Variants in DSC3 observed in about 807,000 individuals in gnomAD.
The protein encoded by DSC3 is desmocollin-3.
DSC3 carries 97 observed loss-of-function variants against 89.5 expected under a neutral mutation model. The observed-to-expected ratio is 1.08, with a 90% CI of 0.92 to 1.28. The LOEUF is 1.28. DSC3 is among the 50% of genes most tolerant of loss of function. The pLI is 0.00. For synonymous variants in DSC3, 436 were observed against 384.1 expected, an observed-to-expected ratio of 1.14 and a Z score of -1.58; for missense variants, 1,199 against 1,085.3, an observed-to-expected ratio of 1.10 and a Z score of -1.47.
intron 13 of DSC3, among the ~76,000 whole-genome samples, chr18:31,002,423 G>A (rs754744629): frequency 7.2e-5 from 11 of 152,034 alleles, no homozygotes; most frequent in Admixed American, 2.6e-4. Flanking sequence ...AATTACAGCC[G>A]GGTGCAGTGG....
Position 30,990,260 on chromosome 18 carries a change from C to T in DSC3, c.*3915G>A, listed in dbSNP as rs1330444243. 1 of 152,148 alleles carries T rather than the reference C, an allele frequency of 6.6e-6. No homozygotes were observed. The allele number at this position is 152,148 out of a possible 1,614,324, so 9.4% of individuals were successfully genotyped here. The stretch of plus-strand genomic sequence containing the variant: ...AGGAAATAAGTAGCCTTTCAAAGGT[C>T]ACACAGAAGTAAGTGACAGATCCAG... On this transcript the variant is annotated 3_prime_UTR_variant, in exon 16 of 16. Transcript: ENST00000360428.
At chr18:30,995,091 C>T (rs766711900) in intron 15 of DSC3, among the ~76,000 whole-genome samples, 5 of 152,164 alleles carry the variant, frequency 3.3e-5, no homozygotes, top group Non-Finnish European at 2.9e-5. Context: ...ATAATGAAGA[C>T]GCCATGCATT....
rs369721566 is a variant in DSC3, at chr18:30,997,089, G to A, written c.2236-41C>T. On this transcript the variant is annotated intron_variant, in intron 14 of 15. Transcript: ENST00000360428. ...GAAATAATTCATGTTGAGAGGAAAT[G>A]GATTCTAAGTTGTCATGAGAAGGCA... 1.2e-5 allele frequency: 19 copies of A among 1,611,912 alleles called. No individual in the cohort carries two copies. The African/African-American group carries it at 2.1e-4, about 18-fold the overall frequency.
chr18:31,037,627 C>A (rs1029691034), intron 1 of DSC3, among the ~76,000 whole-genome samples: 3 of 151,994 alleles, frequency 2.0e-5, no homozygotes, highest in African/African-American at 4.8e-5. Flanking sequence ...CTTGGCCAGG[C>A]GCAGTGGCTC....
Position 30,993,913 on chromosome 18 carries a change from G to T in DSC3, c.*262C>A. On this transcript the variant is annotated 3_prime_UTR_variant, in exon 16 of 16. Transcript: ENST00000360428. Reference sequence around the variant, plus strand: ...CAGCATATTTATTACTAAAATATCCGTAAAAAAAAAAAAGAGCAGATGCTT... The same window carrying T: ...CAGCATATTTATTACTAAAATATCCTTAAAAAAAAAAAAGAGCAGATGCTT... 1 of 328,300 alleles carries T rather than the reference G, an allele frequency of 3.0e-6. No individual in the cohort carries two copies. Among genetic ancestry groups the T allele is most frequent in the Admixed American group, 4.6e-5 (1 of 21,906 alleles). The allele number at this position is 328,300 out of a possible 1,614,324, so 20.3% of individuals were successfully genotyped here.
intron 14 of DSC3, 95 bp from the exon 15 acceptor site, chr18:30,997,143 T>C: frequency 7.1e-7 from 1 of 1,409,796 alleles, no homozygotes; most frequent in Non-Finnish European, 9.9e-7. Context: ...TTCAACCTTT[T>C]ATTCATTCAT....
chr18:30,996,135 A>G (rs544605611), intron 15 of DSC3, among the ~76,000 whole-genome samples: 1 of 152,124 alleles, frequency 6.6e-6, no homozygotes, highest in East Asian at 1.9e-4. Flanking sequence ...GGTGCTTTGT[A>G]TATTTAAAAT....
intron 1 of DSC3, among the ~76,000 whole-genome samples, chr18:31,033,178 A>G (rs1985858194): frequency 6.6e-6 from 1 of 152,194 alleles, no homozygotes; most frequent in Non-Finnish European, 1.5e-5. Context: ...ACCTAGATAA[A>G]TAGAGAGATA....
At chr18:31,002,748 A>G (rs1984708630) in intron 13 of DSC3, among the ~76,000 whole-genome samples, 1 of 152,082 alleles carries the variant, frequency 6.6e-6, no homozygotes, top group East Asian at 1.9e-4. Context: ...AATTACATGA[A>G]ATTCAAATTT....
At position 30,991,009 on chromosome 18, in the gene DSC3, T is replaced by C. The variant is rs993121858; in HGVS notation, c.*3166A>G. On this transcript the variant is annotated 3_prime_UTR_variant, in exon 16 of 16. Transcript: ENST00000360428. Reference sequence around the variant, plus strand: ...TTCCATGCCAGCCATAAGCATAATTTTGCAAAGTGATCATCTTAGAATTAT... The same window carrying C: ...TTCCATGCCAGCCATAAGCATAATTCTGCAAAGTGATCATCTTAGAATTAT... The C allele has an allele frequency of 1.2e-4, 19 of 152,196 alleles. No individual in the cohort carries two copies. Among genetic ancestry groups the C allele is most frequent in the African/African-American group, 4.3e-4 (18 of 41,428 alleles). The allele number at this position is 152,196 out of a possible 1,614,324, so 9.4% of individuals were successfully genotyped here. A position where few individuals can be genotyped will look rare whatever the true frequency, so the allele number is the denominator to read the frequency against.
intron 13 of DSC3, 81 bp downstream of exon 13, chr18:31,004,061 C>T (rs115929701): frequency 4.4e-5 from 49 of 1,105,354 alleles, no homozygotes; most frequent in South Asian, 3.8e-4. Flanking sequence ...GATGCTTGGA[C>T]GAGATTATTT....
Position 31,022,467 on chromosome 18 carries a change from CTCTG to C in DSC3, c.807_810del (p.Asp269GlufsTer11). 6.2e-7 allele frequency: 1 copy of C among 1,614,068 alleles called. No homozygotes were observed. ...CGCGTATGCATTGTGTCCGGTTCAT[CTCTG>C]TCTGTGGCACAAACCACCCCCACTG... On this transcript the variant is annotated frameshift_variant, in exon 7 of 16. Transcript: ENST00000360428. LOFTEE classifies it high-confidence loss of function.
chr18:31,001,433 A>C lies in DSC3; in HGVS notation c.2235+185T>G, dbSNP rs1984655492. ...GGAAAAAAGATAACTAAAATAATAC[A>C]TCTGGATTAAGAAGTTTAATAAATT... On this transcript the variant is annotated intron_variant, in intron 14 of 15. Coordinates refer to ENST00000360428, the MANE Select transcript of DSC3 (RefSeq NM_001941.5). Among the ~76,000 whole-genome samples, 3 of 152,068 alleles carry C rather than the reference A, an allele frequency of 2.0e-5. No individual in the cohort carries two copies. The South Asian group carries it at 6.2e-4, about 31-fold the overall frequency.
At position 31,007,017 on chromosome 18, in the gene DSC3, T is replaced by C; in HGVS notation, c.1778A>G (p.Asp593Gly). 1 of 1,613,736 alleles carries C rather than the reference T, an allele frequency of 6.2e-7. No homozygotes were observed. Among genetic ancestry groups the C allele is most frequent in the Non-Finnish European group, 8.5e-7 (1 of 1,179,714 alleles). The change falls in exon 12 of 16, where the codon GAC (aspartate) becomes GGC (glycine). Residue 593 changes from aspartate (D) to glycine (G), a missense_variant. Transcript: ENST00000360428. ...TTCATCAGGATCAACAGCTAAAATGTCGGTATACCCCATTTTTGGTTTGCA... is the reference window on the plus strand; with the variant it reads ...TTCATCAGGATCAACAGCTAAAATGCCGGTATACCCCATTTTTGGTTTGCA... ...VICKPKMGYT[D>G]ILAVDPDEPV...
intron 13 of DSC3, among the ~76,000 whole-genome samples, chr18:31,002,753 A>T (rs1984708756): frequency 6.6e-6 from 1 of 152,110 alleles, no homozygotes; most frequent in African/African-American, 2.4e-5. Context: ...CATGAAATTC[A>T]AATTTTACAG....
intron 1 of DSC3, among the ~76,000 whole-genome samples, chr18:31,034,775 A>C (rs1021890226): frequency 6.6e-6 from 1 of 152,240 alleles, no homozygotes; most frequent in Non-Finnish European, 1.5e-5. Context: ...TGTCCACAAT[A>C]GGTAAATATA....
chr18:31,039,325 G>A lies in DSC3; in HGVS notation c.69+3267C>T, dbSNP rs183622371. 1.5e-3 allele frequency among the ~76,000 whole-genome samples: 224 copies of A among 152,196 alleles called. 2 individuals are homozygous for A. The highest frequency in any genetic ancestry group is 1.1e-3 in the Non-Finnish European group (74 of 67,958). ...TCTGCAGTTGTTTCACTTTCATGCT[G>A]TTGTTTAATTTTATAGTAAATACAC... On this transcript the variant is annotated intron_variant, in intron 1 of 15. Coordinates refer to ENST00000360428, the MANE Select transcript of DSC3 (RefSeq NM_001941.5).
chr18:31,018,652 T>A lies in DSC3; in HGVS notation c.1077+14A>T. 1 of 1,611,280 alleles carries A rather than the reference T, an allele frequency of 6.2e-7. No individual in the cohort carries two copies. ...CAGATAAGACAGAGGCAGATTTTGA[T>A]ATTATATACTTACAGCATTTTGTCT... On this transcript the variant is annotated intron_variant, in intron 8 of 15. Transcript: ENST00000360428.
chr18:31,009,410 T>A (rs573043120), intron 9 of DSC3, among the ~76,000 whole-genome samples: 3 of 152,170 alleles, frequency 2.0e-5, no homozygotes, highest in Non-Finnish European at 4.4e-5. Context: ...TAATTGCTGC[T>A]TTTCTTTTAT....
Sources: allele counts gnomAD v4.1 joint callset (sites outside exome capture counted in the v4.1 genomes callset), GRCh38; gene constraint gnomAD v4.1.1; transcripts MANE v1.5; gene names NCBI Gene and HGNC (gene_info 2026-07-23, HGNC 2026-07-21).